The following CNTNAP5 variants were observed in gnomAD, a reference collection of about 807,000 sequenced individuals.
CNTNAP5 encodes contactin-associated protein-like 5.
Under a neutral mutation model 150.2 loss-of-function variants are expected in CNTNAP5, and 72 were observed. That is an observed-to-expected ratio of 0.48 (90% confidence interval 0.40 to 0.58). The LOEUF (loss-of-function observed/expected upper bound fraction) is 0.58, where lower values mean the gene tolerates loss of function less well. CNTNAP5 is among the 20% of genes least tolerant of loss of function. The pLI is 0.00. For synonymous variants in CNTNAP5, 672 were observed against 619.8 expected (o/e 1.08, Z -1.25); for missense variants, 1,636 against 1,626.2 (o/e 1.01, Z -0.10).
intron 1 of CNTNAP5, among the ~76,000 whole-genome samples, chr2:124,117,870 G>C (rs1683464903): frequency 6.6e-6 from 1 of 152,140 alleles, no homozygotes; most frequent in Non-Finnish European, 1.5e-5. Context: ...GATTGCTTGA[G>C]CCCAGGAGCT....
At chr2:124,436,824 T>G (rs1311339617) in intron 5 of CNTNAP5, among the ~76,000 whole-genome samples, 2 of 152,206 alleles carry the variant, frequency 1.3e-5, no homozygotes, top group Non-Finnish European at 2.9e-5. Context: ...TTCTGCATAG[T>G]TTTAAGATTT....
At chr2:124,306,412 C>A (rs987483499) in intron 3 of CNTNAP5, among the ~76,000 whole-genome samples, 1 of 152,128 alleles carries the variant, frequency 6.6e-6, no homozygotes. Context: ...CTTTCCCCCC[C>A]AAATAAGTCT....
intron 3 of CNTNAP5, among the ~76,000 whole-genome samples, chr2:124,322,161 T>TAATAAAATAA (rs10524229): frequency 1.2e-3 from 179 of 149,132 alleles, no homozygotes; most frequent in Non-Finnish European, 2.0e-3. Flanking sequence ...AAAATAATAA[T>TAATAAAATAA]AATAAAATAA....
chr2:124,357,231 G>C (rs1335075027), intron 3 of CNTNAP5, among the ~76,000 whole-genome samples: 2 of 152,042 alleles, frequency 1.3e-5, no homozygotes, highest in Non-Finnish European at 2.9e-5. Context: ...AGTAGGTTAC[G>C]AAAATTTTCT....
At chr2:124,079,742 C>T (rs575413191) in intron 1 of CNTNAP5, among the ~76,000 whole-genome samples, 10 of 152,044 alleles carry the variant, frequency 6.6e-5, no homozygotes, top group Non-Finnish European at 1.3e-4. Flanking sequence ...TGTGTGTGTG[C>T]TGAGTCTCTA....
chr2:124,025,423 A>G lies in CNTNAP5; in HGVS notation c.-228A>G, dbSNP rs1024277400. 7 of 576,506 alleles carry G rather than the reference A, an allele frequency of 1.2e-5. No individual in the cohort carries two copies. Among genetic ancestry groups the G allele is most frequent in the Admixed American group, 6.0e-5 (2 of 33,608 alleles). 35.7% of individuals were successfully genotyped at this position (576,506 alleles called of 1,614,324 possible). A position where few individuals can be genotyped will look rare whatever the true frequency, so the allele number is the denominator to read the frequency against. On this transcript the variant is annotated 5_prime_UTR_variant, in exon 1 of 24. Transcript: ENST00000682447. ...AGAGGCGGGCGAGGAAGGCGAGTCCAGCTAGCGGCTGTTGCGGGGACCGTA... is the reference window on the plus strand; with the variant it reads ...AGAGGCGGGCGAGGAAGGCGAGTCCGGCTAGCGGCTGTTGCGGGGACCGTA...
chr2:124,311,544 C>G (rs1688832285), intron 3 of CNTNAP5, among the ~76,000 whole-genome samples: 1 of 152,152 alleles, frequency 6.6e-6, no homozygotes, highest in African/African-American at 2.4e-5. Context: ...TTAATTACTT[C>G]CTAAAAGTCC....
intron 17 of CNTNAP5, among the ~76,000 whole-genome samples, chr2:124,785,830 A>T (rs1419187622): frequency 6.6e-6 from 1 of 152,228 alleles, no homozygotes; most frequent in Non-Finnish European, 1.5e-5. Context: ...CATTAATTCT[A>T]GCCACAAAAT....
chr2:124,654,058 C>T (rs1213874854), intron 13 of CNTNAP5, among the ~76,000 whole-genome samples: 1 of 152,128 alleles, frequency 6.6e-6, no homozygotes, highest in Non-Finnish European at 1.5e-5. Context: ...TGTGCAGGAG[C>T]TATCCAGCAG....
chr2:124,485,581 C>G (rs1465489862), intron 7 of CNTNAP5, among the ~76,000 whole-genome samples: 1 of 139,810 alleles, frequency 7.2e-6, no homozygotes, highest in Non-Finnish European at 1.5e-5. Flanking sequence ...CCACTGCACT[C>G]CAGCCTGGGC....
At chr2:124,261,419 G>A (rs187434793) in intron 3 of CNTNAP5, among the ~76,000 whole-genome samples, 1 of 152,206 alleles carries the variant, frequency 6.6e-6, no homozygotes, top group Admixed American at 6.5e-5. Context: ...TATTTGTCTT[G>A]CTCCCCAAAA....
chr2:124,028,229 T>C (rs1680950796), intron 1 of CNTNAP5, among the ~76,000 whole-genome samples: 1 of 152,136 alleles, frequency 6.6e-6, no homozygotes, highest in Admixed American at 6.6e-5. Context: ...TGTTCAGGTA[T>C]ACATAACTTC....
intron 21 of CNTNAP5, among the ~76,000 whole-genome samples, chr2:124,886,960 C>T (rs1488211767): frequency 6.6e-6 from 1 of 152,026 alleles, no homozygotes; most frequent in African/African-American, 2.4e-5. Context: ...TATATCATTA[C>T]TTCTGTGTGT....
chr2:124,493,582 C>T (rs1315997525), intron 7 of CNTNAP5, among the ~76,000 whole-genome samples: 8 of 152,010 alleles, frequency 5.3e-5, no homozygotes, highest in East Asian at 1.9e-4. Context: ...CCTCGTGATC[C>T]GCCTGCCTCT....
chr2:124,512,782 TAGCC>T (rs1383935337), intron 8 of CNTNAP5, among the ~76,000 whole-genome samples: 1 of 152,246 alleles, frequency 6.6e-6, no homozygotes, highest in African/African-American at 2.4e-5. Flanking sequence ...TAATTTTCTA[TAGCC>T]AGTAGACTTC....
At chr2:124,882,349 G>T (rs190985987) in intron 21 of CNTNAP5, among the ~76,000 whole-genome samples, 1 of 152,182 alleles carries the variant, frequency 6.6e-6, no homozygotes, top group East Asian at 1.9e-4. Flanking sequence ...ACAGGAGGGG[G>T]GTGTGGGATT....
At chr2:124,880,056 G>A (rs1248101393) in intron 21 of CNTNAP5, among the ~76,000 whole-genome samples, 1 of 152,080 alleles carries the variant, frequency 6.6e-6, no homozygotes, top group African/African-American at 2.4e-5. Flanking sequence ...GAGGAGTGTT[G>A]TGTGGCCACT....
chr2:124,035,960 C>G (rs1681203913), intron 1 of CNTNAP5, among the ~76,000 whole-genome samples: 1 of 141,696 alleles, frequency 7.1e-6, no homozygotes, highest in East Asian at 2.1e-4. Flanking sequence ...CTCTGTCGCC[C>G]AGGCCGGACT....
At chr2:124,690,213 T>G (rs1389351822) in intron 13 of CNTNAP5, among the ~76,000 whole-genome samples, 3 of 152,112 alleles carry the variant, frequency 2.0e-5, no homozygotes, top group African/African-American at 7.2e-5. Context: ...TGTGAAACTA[T>G]TCAGTTCTTG....
Sources: allele counts gnomAD v4.1 joint callset (sites outside exome capture counted in the v4.1 genomes callset), GRCh38; gene constraint gnomAD v4.1.1; transcripts MANE v1.5; gene names NCBI Gene and HGNC (gene_info 2026-07-23, HGNC 2026-07-21).